SAMD4A: variants seen among roughly 807,000 people sequenced by gnomAD.
The protein encoded by SAMD4A is sterile alpha motif domain containing 4A, also known as protein Smaug homolog 1.
Under a neutral mutation model 81.3 loss-of-function variants are expected in SAMD4A, and 33 were observed. The ratio of observed to expected loss-of-function variants is 0.41; its 90% CI spans 0.31 to 0.54. The LOEUF is 0.54. Ranked by LOEUF, SAMD4A falls within the 20% of genes least tolerant of loss-of-function variation. The probability of loss-of-function intolerance (pLI) is 0.37; values close to 1 mark genes in which losing one functional copy is unlikely to be tolerated. For synonymous variants in SAMD4A, 389 were observed against 382.1 expected, an observed-to-expected ratio of 1.02 and a Z score of -0.21; for missense variants, 854 against 951.1, an observed-to-expected ratio of 0.90 and a Z score of 1.34.
chr14:54,743,249 C>G (rs988999235), intron 4 of SAMD4A, among the ~76,000 whole-genome samples: 1 of 152,210 alleles, frequency 6.6e-6, no homozygotes. Flanking sequence ...GACTTTCTAG[C>G]TGCCTGCTCG....
intron 3 of SAMD4A, among the ~76,000 whole-genome samples, chr14:54,717,159 T>C (rs1425557267): frequency 2.6e-5 from 4 of 152,084 alleles, no homozygotes; most frequent in Non-Finnish European, 5.9e-5. Context: ...ATTCAAGAAA[T>C]TATTTTGGCA....
intron 2 of SAMD4A, among the ~76,000 whole-genome samples, chr14:54,585,272 C>G (rs1946966800): frequency 6.6e-6 from 1 of 152,204 alleles, no homozygotes; most frequent in African/African-American, 2.4e-5. Flanking sequence ...AACCCTTACA[C>G]TTGGACATTT....
At chr14:54,707,924 C>T (rs1323274606) in intron 3 of SAMD4A, among the ~76,000 whole-genome samples, 1 of 152,152 alleles carries the variant, frequency 6.6e-6, no homozygotes, top group African/African-American at 2.4e-5. Flanking sequence ...AGGCTGGAGA[C>T]AGAATGGGCA....
chr14:54,632,993 C>A (rs1329324619), intron 2 of SAMD4A, among the ~76,000 whole-genome samples: 2 of 152,140 alleles, frequency 1.3e-5, no homozygotes, highest in Non-Finnish European at 2.9e-5. Context: ...TAATATATAT[C>A]ATTTCACACA....
intron 3 of SAMD4A, among the ~76,000 whole-genome samples, chr14:54,724,020 G>GGAAGAAGGAAGGAAGGAAGGAA (rs764011578): frequency 1.4e-5 from 2 of 144,834 alleles, no homozygotes; most frequent in East Asian, 2.1e-4. Context: ...AAGGAAGGAA[G>GGAAGAAGGAAGGAAGGAAGGAA]GAAGGAAGGA....
chr14:54,662,245 C>T (rs1335743590), intron 2 of SAMD4A, among the ~76,000 whole-genome samples: 1 of 152,188 alleles, frequency 6.6e-6, no homozygotes, highest in Non-Finnish European at 1.5e-5. Flanking sequence ...TGAAATAACA[C>T]CTGTGGATAT....
chr14:54,775,235 G>T, intron 10 of SAMD4A, 100 bp downstream of exon 10: 1 of 1,337,474 alleles, frequency 7.5e-7, no homozygotes, highest in Middle Eastern at 1.8e-4. Context: ...GAGGCCAAAG[G>T]GGACTATGCT....
At chr14:54,566,148 G>T (rs1350007770), upstream of SAMD4A, among the ~76,000 whole-genome samples, 1 of 151,854 alleles carries the variant, frequency 6.6e-6, no homozygotes, top group Admixed American at 6.6e-5. Flanking sequence ...CAGCAGCGGC[G>T]GCTGCAGCGG....
intron 9 of SAMD4A, among the ~76,000 whole-genome samples, chr14:54,774,662 A>AAGTT (rs1171277976): frequency 1.3e-5 from 2 of 151,614 alleles, no homozygotes; most frequent in African/African-American, 2.4e-5. Context: ...CAAAAAAAAA[A>AAGTT]AGTTAGCTGG....
chr14:54,777,585 G>A (rs1387623914), intron 11 of SAMD4A, among the ~76,000 whole-genome samples: 1 of 152,176 alleles, frequency 6.6e-6, no homozygotes, highest in East Asian at 1.9e-4. Flanking sequence ...AAGCTGAGGA[G>A]CTTGGACTCT....
intron 12 of SAMD4A, among the ~76,000 whole-genome samples, chr14:54,785,407 A>G (rs2039112053): frequency 6.6e-6 from 1 of 152,204 alleles, no homozygotes; most frequent in Non-Finnish European, 1.5e-5. Flanking sequence ...GATATTTATG[A>G]TGCTTGGCAG....
intron 2 of SAMD4A, among the ~76,000 whole-genome samples, chr14:54,640,222 G>A (rs970234993): frequency 5.9e-5 from 9 of 151,944 alleles, no homozygotes; most frequent in South Asian, 2.1e-4. Context: ...CAGCGCCCTC[G>A]TGTCTCTCTC....
chr14:54,629,631 A>G (rs922849645), intron 2 of SAMD4A, among the ~76,000 whole-genome samples: 1 of 151,986 alleles, frequency 6.6e-6, no homozygotes, highest in Non-Finnish European at 1.5e-5. Flanking sequence ...TTACTGGTAT[A>G]TTCTGGAGAT....
At chr14:54,734,122 C>A (rs1281049155) in intron 3 of SAMD4A, among the ~76,000 whole-genome samples, 1 of 152,226 alleles carries the variant, frequency 6.6e-6, no homozygotes, top group Non-Finnish European at 1.5e-5. Flanking sequence ...TCTGTCTTCA[C>A]CCCAAATTGG....
chr14:54,776,868 G>C (rs1594933091), intron 11 of SAMD4A, among the ~76,000 whole-genome samples: 1 of 151,982 alleles, frequency 6.6e-6, no homozygotes, highest in Non-Finnish European at 1.5e-5. Context: ...GTGTGTGTGT[G>C]TGTGTGTGTG....
chr14:54,772,674 T>C (rs1185887564), intron 9 of SAMD4A, among the ~76,000 whole-genome samples: 1 of 152,218 alleles, frequency 6.6e-6, no homozygotes, highest in African/African-American at 2.4e-5. Context: ...ATGAAATAAC[T>C]TTTTAAAAAT....
At chr14:54,784,425 A>G (rs1019845150) in intron 11 of SAMD4A, 112 bp from the exon 12 acceptor site, 6 of 1,609,736 alleles carry the variant, frequency 3.7e-6, no homozygotes, top group Non-Finnish European at 5.1e-6. Context: ...CAGCGCTGAC[A>G]GTCCCCAAGT....
At chr14:54,618,273 C>A (rs1041435550) in intron 2 of SAMD4A, among the ~76,000 whole-genome samples, 5 of 152,166 alleles carry the variant, frequency 3.3e-5, no homozygotes, top group African/African-American at 9.7e-5. Flanking sequence ...ATGCTTTCAC[C>A]TTGGTAGTCT....
chr14:54,697,020 G>T (rs1444174097), intron 2 of SAMD4A: 1 of 152,192 alleles, frequency 6.6e-6, no homozygotes, highest in African/African-American at 2.4e-5. Flanking sequence ...GAGGATTCCT[G>T]CATCTTCCCC....
Sources: allele counts gnomAD v4.1 joint callset (sites outside exome capture counted in the v4.1 genomes callset), GRCh38; gene constraint gnomAD v4.1.1; transcripts MANE v1.5; gene names NCBI Gene and HGNC (gene_info 2026-07-23, HGNC 2026-07-21).